The following IRAK1BP1 variants were observed in gnomAD, a reference collection of about 807,000 sequenced individuals.
IRAK1BP1 encodes interleukin-1 receptor-associated kinase 1-binding protein 1.
Under a neutral mutation model 28.0 loss-of-function variants are expected in IRAK1BP1, and 24 were observed. The ratio of observed to expected loss-of-function variants is 0.86; its 90% CI spans 0.62 to 1.20. The LOEUF is 1.20. Ranked by LOEUF, IRAK1BP1 falls within the 50% of genes most tolerant of loss-of-function variation. The probability of loss-of-function intolerance (pLI) is 0.00; values close to 1 mark genes in which losing one functional copy is unlikely to be tolerated. For synonymous variants in IRAK1BP1, 131 were observed against 116.3 expected (o/e 1.13, Z -0.81); for missense variants, 336 against 316.7 (o/e 1.06, Z -0.46).
chr6:78,911,631 G>T (rs1772423548), intron 4 of IRAK1BP1, among the ~76,000 whole-genome samples: 1 of 152,200 alleles, frequency 6.6e-6, no homozygotes, highest in African/African-American at 2.4e-5. Context: ...TCTTACAGCA[G>T]CTGCATGTTT....
At chr6:78,918,303 A>C (rs1772615109) in intron 4 of IRAK1BP1, among the ~76,000 whole-genome samples, 1 of 152,150 alleles carries the variant, frequency 6.6e-6, no homozygotes, top group African/African-American at 2.4e-5. Flanking sequence ...TCTCAAAAAA[A>C]AATTATTTTT....
chr6:78,939,223 C>T (rs555911063), intron 4 of IRAK1BP1: 1 of 151,826 alleles, frequency 6.6e-6, no homozygotes, highest in African/African-American at 2.4e-5. Context: ...ATACATTCTC[C>T]TAAGTCATAT....
At chr6:78,961,976 T>C in the IRAK1BP1 span, among the ~76,000 whole-genome samples, 1 of 152,170 alleles carries the variant, frequency 6.6e-6, no homozygotes, top group Non-Finnish European at 1.5e-5. Context: ...AGTCTCACTT[T>C]TTATTATGTC....
chr6:78,969,848 C>A, the IRAK1BP1 span: 1 of 1,560,822 alleles, frequency 6.4e-7, no homozygotes, highest in South Asian at 1.1e-5. Flanking sequence ...TATTCCATCG[C>A]CTGTATTTTG....
chr6:78,946,297 C>T, exon 5 of IRAK1BP1: 1 of 1,565,240 alleles, frequency 6.4e-7, no homozygotes, highest in Non-Finnish European at 8.7e-7. Flanking sequence ...ACTCTTATAG[C>T]TCTATGTGAA....
chr6:78,893,284 GTGTATATA>G (rs764431348), intron 2 of IRAK1BP1, among the ~76,000 whole-genome samples: 2,277 of 101,012 alleles, frequency 0.023, 25 homozygotes, highest in Non-Finnish European at 0.027. Flanking sequence ...ATATATATGT[GTGTATATA>G]TGTGTGTGTG....
rs1161653595 is a variant in IRAK1BP1, at chr6:78,898,964, A to G, written c.*630A>G. 1 of 152,206 alleles carries G rather than the reference A, an allele frequency of 6.6e-6. No individual in the cohort carries two copies. Among genetic ancestry groups the G allele is most frequent in the Non-Finnish European group, 1.5e-5 (1 of 68,026 alleles). The allele number at this position is 152,206 out of a possible 1,614,324, so 9.4% of individuals were successfully genotyped here. A position where few individuals can be genotyped will look rare whatever the true frequency, so the allele number is the denominator to read the frequency against. ...AACAGAAGACTTGAGATTCCCAGACAGAAACAAAGGACTATTACTCATGGC... is the reference window on the plus strand; with the variant it reads ...AACAGAAGACTTGAGATTCCCAGACGGAAACAAAGGACTATTACTCATGGC... On this transcript the variant is annotated 3_prime_UTR_variant, in exon 4 of 4. Transcript: ENST00000369940.
intron 4 of IRAK1BP1, among the ~76,000 whole-genome samples, chr6:78,930,108 T>C (rs1293140364): frequency 5.9e-5 from 9 of 152,070 alleles, no homozygotes; most frequent in Admixed American, 1.3e-4. Flanking sequence ...GCTAATTTTT[T>C]GTAGAGACAG....
intron 4 of IRAK1BP1, chr6:78,936,687 T>C (rs1278287667): frequency 6.6e-6 from 1 of 151,856 alleles, no homozygotes; most frequent in Admixed American, 6.6e-5. Context: ...TATTTTCTAC[T>C]CACTGTTCTA....
the IRAK1BP1 span, among the ~76,000 whole-genome samples, chr6:78,960,827 A>G: frequency 1.3e-5 from 2 of 152,132 alleles, no homozygotes; most frequent in South Asian, 2.1e-4. Context: ...AATTTAAGTC[A>G]TAAAAAGAAC....
chr6:78,936,599 T>C (rs1310082731), intron 4 of IRAK1BP1: 1 of 151,914 alleles, frequency 6.6e-6, no homozygotes, highest in African/African-American at 2.4e-5. Context: ...GTTAATTTCC[T>C]GATAATTTTT....
chr6:78,941,366 T>G, intron 4 of IRAK1BP1: 1 of 1,525,700 alleles, frequency 6.6e-7, no homozygotes, highest in Non-Finnish European at 8.9e-7. Context: ...ATATATGGAG[T>G]TTCTTTTTTT....
the IRAK1BP1 span, among the ~76,000 whole-genome samples, chr6:78,952,428 G>GAAAAAAAAAAAAA: frequency 1.4e-4 from 8 of 56,808 alleles, no homozygotes; most frequent in East Asian, 5.1e-4. Flanking sequence ...AAAAAAAAAA[G>GAAAAAAAAAAAAA]AAAAAAAAAA....
chr6:78,972,449 G>C, the IRAK1BP1 span, among the ~76,000 whole-genome samples: 5 of 152,254 alleles, frequency 3.3e-5, no homozygotes, highest in South Asian at 1.0e-3. Flanking sequence ...AGAAAAACTG[G>C]AAACTCTAAA....
At position 78,867,678 on chromosome 6, in the gene IRAK1BP1, A is replaced by G; in HGVS notation, c.102A>G (p.Leu34=). The G allele has an allele frequency of 1.2e-6, 2 of 1,614,192 alleles. No homozygotes were observed. Among genetic ancestry groups the G allele is most frequent in the Non-Finnish European group, 1.7e-6 (2 of 1,180,036 alleles). Residue 34 remains leucine (L), a synonymous_variant, in exon 1 of 4, where the codon CTA becomes CTG. Transcript: ENST00000369940. Reference sequence around the variant, plus strand: ...ACCTGGCCTCAGGGAGAGAGACGCTACCGGGCTTACGCCACCCCCTCTCCT... The same window carrying G: ...ACCTGGCCTCAGGGAGAGAGACGCTGCCGGGCTTACGCCACCCCCTCTCCT... The part of the protein sequence containing the change: ...ENNLASGRET[L]PGLRHPLSST...
intron 4 of IRAK1BP1, among the ~76,000 whole-genome samples, chr6:78,916,012 T>C (rs1256444955): frequency 6.6e-6 from 1 of 152,092 alleles, no homozygotes; most frequent in Non-Finnish European, 1.5e-5. Flanking sequence ...AAAGCAGAGA[T>C]TTATTGAAAA....
At chr6:78,911,034 C>T (rs1382510933) in intron 4 of IRAK1BP1, among the ~76,000 whole-genome samples, 1 of 152,226 alleles carries the variant, frequency 6.6e-6, no homozygotes, top group Non-Finnish European at 1.5e-5. Context: ...CCCTCCTATG[C>T]CCTTTATTGC....
At chr6:78,932,911 A>AT (rs1243792500) in intron 4 of IRAK1BP1, among the ~76,000 whole-genome samples, 3 of 151,610 alleles carry the variant, frequency 2.0e-5, no homozygotes, top group African/African-American at 7.3e-5. Flanking sequence ...TTATTTTTTT[A>AT]TTTTTTTTCT....
the IRAK1BP1 span, among the ~76,000 whole-genome samples, chr6:78,962,145 C>A: frequency 6.6e-6 from 1 of 152,224 alleles, no homozygotes; most frequent in South Asian, 2.1e-4. Flanking sequence ...CAAAGCCATT[C>A]TATTATTAAC....
Sources: gnomAD v4.1 joint callset for allele counts (sites outside exome capture counted in the v4.1 genomes callset) on GRCh38, gnomAD v4.1.1 for gene constraint, MANE v1.5 for transcripts, NCBI Gene and HGNC (gene_info 2026-07-23, HGNC 2026-07-21) for gene names.